Variants in NAALADL2 observed in about 807,000 individuals in gnomAD.
NAALADL2 encodes the protein N-acetylated alpha-linked acidic dipeptidase like 2.
Under a neutral mutation model 87.2 loss-of-function variants are expected in NAALADL2, and 76 were observed. That is an observed-to-expected ratio of 0.87 (90% CI 0.72 to 1.05). The LOEUF is 1.05. NAALADL2 is among the 50% of genes least tolerant of loss of function. NAALADL2 has a pLI of 0.00. For missense variants in NAALADL2, 1,089 were observed against 945.8 expected (o/e 1.15, Z -1.99); for synonymous variants, 354 against 331.0 (o/e 1.07, Z -0.75).
At chr3:174,718,369 G>A (rs993768800) in intron 2 of NAALADL2, among the ~76,000 whole-genome samples, 1 of 152,128 alleles carries the variant, frequency 6.6e-6, no homozygotes, top group Non-Finnish European at 1.5e-5. Context: ...TAAAATAGGA[G>A]GTTACAGTCA....
chr3:175,340,441 G>A (rs1762452998), intron 5 of NAALADL2, among the ~76,000 whole-genome samples: 1 of 152,110 alleles, frequency 6.6e-6, no homozygotes, highest in African/African-American at 2.4e-5. Flanking sequence ...TGACAGATGG[G>A]ATAGGAGCCC....
intron 5 of NAALADL2, among the ~76,000 whole-genome samples, chr3:175,326,972 T>G (rs562713972): frequency 2.0e-3 from 308 of 152,210 alleles, no homozygotes; most frequent in African/African-American, 7.1e-3. Context: ...TTTTTTCAAT[T>G]TAAGAACTTT....
intron 4 of NAALADL2, among the ~76,000 whole-genome samples, chr3:175,276,241 T>C (rs1420087267): frequency 6.6e-6 from 1 of 152,050 alleles, no homozygotes; most frequent in Non-Finnish European, 1.5e-5. Context: ...CCATTTCTCT[T>C]TGTGGTACAA....
At chr3:174,712,377 CTTCTTTT>C (rs1730728141) in intron 2 of NAALADL2, among the ~76,000 whole-genome samples, 1 of 110,158 alleles carries the variant, frequency 9.1e-6, no homozygotes, top group African/African-American at 3.4e-5. Flanking sequence ...CACTTCTCCT[CTTCTTTT>C]TTTTTTTTTT....
intron 11 of NAALADL2, among the ~76,000 whole-genome samples, chr3:175,652,753 G>A (rs939595122): frequency 6.6e-6 from 1 of 152,060 alleles, no homozygotes; most frequent in Admixed American, 6.6e-5. Context: ...GCTGAGGACT[G>A]TTTATTTTCA....
chr3:174,684,911 C>G (rs1011206938), intron 2 of NAALADL2, among the ~76,000 whole-genome samples: 1 of 151,980 alleles, frequency 6.6e-6, no homozygotes. Flanking sequence ...TTCTTGTCAC[C>G]CGGCCACTGT....
At chr3:175,346,635 A>C (rs1763187618) in intron 5 of NAALADL2, among the ~76,000 whole-genome samples, 1 of 151,516 alleles carries the variant, frequency 6.6e-6, no homozygotes, top group South Asian at 2.1e-4. Flanking sequence ...CAATGACCCC[A>C]AGATAGAATG....
At chr3:174,469,559 G>T (rs1376747114) in intron 1 of NAALADL2, among the ~76,000 whole-genome samples, 1 of 152,022 alleles carries the variant, frequency 6.6e-6, no homozygotes, top group East Asian at 1.9e-4. Context: ...CTCCCGAGTA[G>T]CTGGGACTAC....
intron 5 of NAALADL2, among the ~76,000 whole-genome samples, chr3:175,333,880 C>A (rs888644748): frequency 3.9e-5 from 6 of 151,964 alleles, no homozygotes; most frequent in African/African-American, 7.3e-5. Flanking sequence ...GTAATAGATA[C>A]CCTAAATACC....
intron 3 of NAALADL2, among the ~76,000 whole-genome samples, chr3:174,836,872 T>G (rs894231733): frequency 6.6e-6 from 1 of 151,990 alleles, no homozygotes; most frequent in African/African-American, 2.4e-5. Context: ...AAGTTTAAAG[T>G]ATAAAACATC....
chr3:174,723,008 G>T (rs1731848157), intron 2 of NAALADL2, among the ~76,000 whole-genome samples: 1 of 152,016 alleles, frequency 6.6e-6, no homozygotes, highest in African/African-American at 2.4e-5. Context: ...TTGTTGAAAA[G>T]TCTTCCTAAA....
At chr3:174,644,817 A>G (rs1723613929) in intron 2 of NAALADL2, among the ~76,000 whole-genome samples, 1 of 152,216 alleles carries the variant, frequency 6.6e-6, no homozygotes, top group Non-Finnish European at 1.5e-5. Context: ...TGCCTGCAAA[A>G]AGACTGTAGA....
intron 1 of NAALADL2, among the ~76,000 whole-genome samples, chr3:174,443,429 A>G (rs534281216): frequency 7.9e-5 from 12 of 152,350 alleles, no homozygotes; most frequent in African/African-American, 1.9e-4. Flanking sequence ...CTGGAAAGAT[A>G]AGAGTTTCTG....
chr3:175,241,809 T>C (rs990109705), intron 3 of NAALADL2, among the ~76,000 whole-genome samples: 3 of 151,008 alleles, frequency 2.0e-5, no homozygotes, highest in Non-Finnish European at 4.4e-5. Context: ...CCCCACTTGA[T>C]TACAACACAT....
intron 5 of NAALADL2, among the ~76,000 whole-genome samples, chr3:175,347,132 C>T (rs564497361): frequency 2.0e-5 from 3 of 152,122 alleles, no homozygotes; most frequent in Admixed American, 6.6e-5. Flanking sequence ...CACCCGGAAC[C>T]GGCACACTGG....
intron 3 of NAALADL2, among the ~76,000 whole-genome samples, chr3:174,817,587 G>C (rs928542031): frequency 5.9e-5 from 9 of 152,086 alleles, no homozygotes; most frequent in Non-Finnish European, 1.2e-4. Context: ...AGTTGTCAGA[G>C]GGAGACACTG....
chr3:175,373,030 A>T (rs1446503884), intron 5 of NAALADL2, among the ~76,000 whole-genome samples: 1 of 152,218 alleles, frequency 6.6e-6, no homozygotes. Flanking sequence ...AGGCAGCCTC[A>T]GAATGAGGAA....
chr3:175,202,827 G>A (rs1560158717), intron 2 of NAALADL2, among the ~76,000 whole-genome samples: 2 of 152,042 alleles, frequency 1.3e-5, no homozygotes, highest in Admixed American at 6.5e-5. Context: ...AGGTTCCTAT[G>A]TCAATGAAGT....
chr3:175,538,382 TA>T (rs905071127), intron 9 of NAALADL2, among the ~76,000 whole-genome samples: 146 of 144,894 alleles, frequency 1.0e-3, no homozygotes, highest in Admixed American at 1.1e-3. Flanking sequence ...TTTAGAAAGT[TA>T]AAAAAAAAAA....
Sources: allele counts gnomAD v4.1 joint callset (sites outside exome capture counted in the v4.1 genomes callset), GRCh38; gene constraint gnomAD v4.1.1; transcripts MANE v1.5; gene names NCBI Gene and HGNC (gene_info 2026-07-23, HGNC 2026-07-21).